The following DLG2 variants were observed in gnomAD, a reference collection of about 807,000 sequenced individuals.
DLG2 encodes disks large homolog 2.
Under a neutral mutation model 132.5 loss-of-function variants are expected in DLG2, and 45 were observed. The observed-to-expected ratio is 0.34, with a 90% CI of 0.27 to 0.44. The LOEUF is 0.44. Among genes scored for constraint, DLG2 ranks in the 20% least tolerant of loss-of-function variants. The pLI is 1.00. For missense variants in DLG2, 1,045 were observed against 1,196.9 expected, an observed-to-expected ratio of 0.87 and a Z score of 1.87; for synonymous variants, 424 against 419.6, an observed-to-expected ratio of 1.01 and a Z score of -0.13.
At chr11:84,384,095 C>CTT (rs200117797) in intron 7 of DLG2, among the ~76,000 whole-genome samples, 59 of 122,142 alleles carry the variant, frequency 4.8e-4, no homozygotes, top group African/African-American at 1.4e-3. Context: ...CTCGATGACG[C>CTT]TTTTTTTTTT....
rs547456367 is a variant in DLG2, at chr11:84,664,543, A to G, written c.358-129812T>C. On this transcript the variant is annotated intron_variant, in intron 6 of 27. Transcript: ENST00000376104. Reference sequence around the variant, plus strand: ...TTATAATTCAAATCCAAATTACCACATATTGTAACATGTGGCAAAAGCCCC... The same window carrying G: ...TTATAATTCAAATCCAAATTACCACGTATTGTAACATGTGGCAAAAGCCCC... Among the ~76,000 whole-genome samples, 8 of 152,272 alleles carry G rather than the reference A, an allele frequency of 5.3e-5. No homozygotes were observed. The East Asian group carries it at 1.4e-3, about 26-fold the overall frequency.
rs58559052 is a variant in DLG2, at chr11:85,452,504, C to CATAGCCTCCACTACT, written c.40+146138_40+146152dup. The CATAGCCTCCACTACT allele has an allele frequency of 7.7e-3, 1,486 of 193,772 alleles. 19 individuals are homozygous for CATAGCCTCCACTACT. The highest frequency in any genetic ancestry group is 0.033 in the African/African-American group (1,400 of 43,074). The allele number at this position is 193,772 out of a possible 1,614,324, so 12.0% of individuals were successfully genotyped here. ...TCCTGACAGGGTGGAGTAGTGCCAC[C>CATAGCCTCCACTACT]ATAGCCTCCACTACTATAGCCTCCA... On this transcript the variant is annotated intron_variant, in intron 3 of 27. Transcript: ENST00000376104.
At chr11:85,026,182 A>C (rs533303078) in intron 6 of DLG2, among the ~76,000 whole-genome samples, 2 of 152,280 alleles carry the variant, frequency 1.3e-5, no homozygotes, top group East Asian at 3.9e-4. Context: ...CAAAATACAA[A>C]CAATAAACTG....
chr11:84,645,272 G>T (rs1365131864), intron 6 of DLG2, among the ~76,000 whole-genome samples: 1 of 152,004 alleles, frequency 6.6e-6, no homozygotes, highest in African/African-American at 2.4e-5. Flanking sequence ...GTTATAATAG[G>T]TACCTTTTCT....
intron 4 of DLG2, among the ~76,000 whole-genome samples, chr11:85,211,101 G>T (rs1053235701): frequency 6.6e-6 from 1 of 151,790 alleles, no homozygotes; most frequent in Non-Finnish European, 1.5e-5. Context: ...GTTGAGACTT[G>T]GTCTGTTTTA....
intron 6 of DLG2, among the ~76,000 whole-genome samples, chr11:84,591,314 GT>G (rs770850415): frequency 0.024 from 3,100 of 129,264 alleles, 89 homozygotes; most frequent in African/African-American, 0.077. Context: ...ACCATGCCTT[GT>G]TTTTTTTTTT....
intron 3 of DLG2, among the ~76,000 whole-genome samples, chr11:85,500,330 G>A (rs1298743442): frequency 6.2e-5 from 8 of 129,312 alleles, no homozygotes; most frequent in Non-Finnish European, 1.1e-4. Context: ...TCATAGGTGG[G>A]AATTGAACAA....
At chr11:83,734,067 C>T (rs1374762976) in intron 18 of DLG2, among the ~76,000 whole-genome samples, 1 of 152,090 alleles carries the variant, frequency 6.6e-6, no homozygotes, top group Non-Finnish European at 1.5e-5. Context: ...CTTCCAGTTG[C>T]AACCATATTG....
At chr11:85,131,310 ATAT>A (rs1466149655) in intron 5 of DLG2, among the ~76,000 whole-genome samples, 30 of 152,240 alleles carry the variant, frequency 2.0e-4, no homozygotes, top group Admixed American at 1.6e-3. Context: ...TATTTTTACA[ATAT>A]TAATTATGTT....
chr11:83,767,746 A>G (rs999533060), intron 18 of DLG2, among the ~76,000 whole-genome samples: 8 of 147,434 alleles, frequency 5.4e-5, no homozygotes, highest in African/African-American at 2.1e-4. Flanking sequence ...GCACTTTGCA[A>G]GATTAACTTT....
At chr11:84,169,727 G>T (rs569562916) in intron 8 of DLG2, among the ~76,000 whole-genome samples, 2 of 152,050 alleles carry the variant, frequency 1.3e-5, no homozygotes, top group Non-Finnish European at 2.9e-5. Flanking sequence ...ACAAAAACTA[G>T]CTGGGCATCA....
At chr11:83,608,799 G>T (rs1325030451) in intron 19 of DLG2, among the ~76,000 whole-genome samples, 2 of 151,970 alleles carry the variant, frequency 1.3e-5, no homozygotes, top group East Asian at 3.9e-4. Flanking sequence ...TAATATAAAA[G>T]CTAAAAGCAG....
chr11:84,624,616 C>T (rs925084672), intron 6 of DLG2, among the ~76,000 whole-genome samples: 1 of 151,682 alleles, frequency 6.6e-6, no homozygotes, highest in Non-Finnish European at 1.5e-5. Flanking sequence ...AAGAGCTTCA[C>T]TATCATTCCC....
intron 3 of DLG2, among the ~76,000 whole-genome samples, chr11:85,529,725 C>G (rs1217692712): frequency 6.6e-6 from 1 of 152,086 alleles, no homozygotes; most frequent in Non-Finnish European, 1.5e-5. Flanking sequence ...AATCTCCATG[C>G]CTTTGATTAT....
At chr11:85,346,266 C>A (rs1322761938) in intron 3 of DLG2, among the ~76,000 whole-genome samples, 1 of 151,708 alleles carries the variant, frequency 6.6e-6, no homozygotes, top group Non-Finnish European at 1.5e-5. Context: ...CGGCTCACTG[C>A]AAGCTCTGCC....
intron 6 of DLG2, among the ~76,000 whole-genome samples, chr11:84,787,314 T>C (rs200038115): frequency 1.3e-5 from 2 of 152,154 alleles, no homozygotes; most frequent in Non-Finnish European, 2.9e-5. Flanking sequence ...TTCCTATGGT[T>C]TGAATTCTGT....
chr11:84,296,139 T>C (rs1158396640), intron 7 of DLG2, among the ~76,000 whole-genome samples: 1 of 152,220 alleles, frequency 6.6e-6, no homozygotes, highest in African/African-American at 2.4e-5. Flanking sequence ...ACTTGTTTAT[T>C]ACTATCTTAA....
chr11:84,864,269 T>G (rs927674643), intron 6 of DLG2, among the ~76,000 whole-genome samples: 1 of 152,168 alleles, frequency 6.6e-6, no homozygotes, highest in Non-Finnish European at 1.5e-5. Context: ...CAAGAATTTA[T>G]TAATGTTCTC....
intron 4 of DLG2, among the ~76,000 whole-genome samples, chr11:85,255,412 CT>C (rs1186043926): frequency 6.6e-6 from 1 of 152,174 alleles, no homozygotes; most frequent in African/African-American, 2.4e-5. Flanking sequence ...TGTATATAAA[CT>C]GCATTTTAAA....
Sources: allele counts gnomAD v4.1 joint callset (sites outside exome capture counted in the v4.1 genomes callset), GRCh38; gene constraint gnomAD v4.1.1; transcripts MANE v1.5; gene names NCBI Gene and HGNC (gene_info 2026-07-23, HGNC 2026-07-21).